CLUH: variants seen among roughly 807,000 people sequenced by gnomAD.
CLUH encodes the protein clustered mitochondria protein homolog.
Under a neutral mutation model 139.3 loss-of-function variants are expected in CLUH, and 77 were observed. The observed-to-expected ratio is 0.55, with a 90% confidence interval of 0.46 to 0.67. The LOEUF (loss-of-function observed/expected upper bound fraction) is 0.67, where lower values mean the gene tolerates loss of function less well. CLUH is among the 30% of genes least tolerant of loss of function. The pLI is 0.00. For synonymous variants in CLUH, 999 were observed against 801.6 expected, an observed-to-expected ratio of 1.25 and a Z score of -4.16; for missense variants, 1,876 against 1,875.8, an observed-to-expected ratio of 1.00 and a Z score of 0.00.
In CLUH at chr17:2,696,738, G is replaced by C; in HGVS notation, c.2166C>G (p.Ile722Met). 2 of 1,612,256 alleles carry C rather than the reference G, an allele frequency of 1.2e-6. No homozygotes were observed. Among genetic ancestry groups the C allele is most frequent in the African/African-American group, 2.7e-5 (2 of 75,036 alleles). The stretch of plus-strand genomic sequence containing the variant: ...CCCCACCTGTGCCGTCGTCTGCGGC[G>C]ATGGTCTCTGCCAGCTCCTTCACCT... ...LAKVKELAET[I>M]AADDGTADPR... The change falls in exon 11 of 26, where the codon ATC becomes ATG. Residue 722 changes from isoleucine (I) to methionine (M), a missense_variant. Around this residue, in one of 3 missense-constraint regions of CLUH, gnomAD observed 1,454 missense variants for 1,384.4 expected, o/e 1.05. Transcript: ENST00000651024.
In CLUH at chr17:2,704,714, C is replaced by T. The variant is rs914091887; in HGVS notation, c.101-150G>A. 1.4e-5 allele frequency: 10 copies of T among 727,822 alleles called. No homozygotes were observed. The African/African-American group carries it at 1.6e-4, about 12-fold the overall frequency. 45.1% of individuals were successfully genotyped at this position (727,822 alleles called of 1,614,324 possible). A position where few individuals can be genotyped will look rare whatever the true frequency, so the allele number is the denominator to read the frequency against. On this transcript the variant is annotated intron_variant, in intron 1 of 25. Transcript: ENST00000651024. This position sits in a 1 kb window ranked among gnomAD's most constrained non-coding sequence, Gnocchi z 5.7. ...TCACGGTCGCGCCTCGCCCTCCGTG[C>T]ACCTGCAGGCCACTTCCACACCCAG...
At chr17:2,691,955 C>T (rs1274367359) in intron 23 of CLUH, 49 bp downstream of exon 23, 2 of 445,452 alleles carry the variant, frequency 4.5e-6, no homozygotes, top group East Asian at 8.7e-5. Context: ...GCCCCCGCCC[C>T]GCCACGCCCC....
At position 2,691,951 on chromosome 17, in the gene CLUH, G is replaced by A. The variant is rs1236114924; in HGVS notation, c.3654+53C>T. 1.8e-5 allele frequency: 20 copies of A among 1,098,802 alleles called. 1 individual carries two copies. The highest frequency in any genetic ancestry group is 1.1e-4 in the Admixed American group (3 of 26,336). 68.1% of individuals were successfully genotyped at this position (1,098,802 alleles called of 1,614,324 possible). On this transcript the variant is annotated intron_variant, in intron 23 of 25. Coordinates refer to ENST00000651024, the MANE Select transcript of CLUH (RefSeq NM_001366661.1). ...CCCGTGCCCCCGCGGCCCCGCCCCC[G>A]CCCCGCCACGCCCCCGCCCCGCCCC...
chr17:2,695,284 G>C lies in CLUH; in HGVS notation c.2545-4C>G. 1 of 1,613,808 alleles carries C rather than the reference G, an allele frequency of 6.2e-7. No individual in the cohort carries two copies. Among genetic ancestry groups the C allele is most frequent in the Non-Finnish European group, 8.5e-7 (1 of 1,179,832 alleles). Reference sequence around the variant, plus strand: ...TGAGTTCTCCAATGCCGATTTTCTGGAAGGATTCAGAAGGGAGGTCTTGGT... The same window carrying C: ...TGAGTTCTCCAATGCCGATTTTCTGCAAGGATTCAGAAGGGAGGTCTTGGT... On this transcript the variant is annotated splice_polypyrimidine_tract_variant and splice_region_variant and intron_variant, in intron 14 of 25. Coordinates refer to ENST00000651024, the MANE Select transcript of CLUH (RefSeq NM_001366661.1).
At chr17:2,710,484 A>C (rs1258976330) in intron 1 of CLUH, among the ~76,000 whole-genome samples, 1 of 152,224 alleles carries the variant, frequency 6.6e-6, no homozygotes, top group African/African-American at 2.4e-5. Context: ...GGAGATGATG[A>C]GGCGTTAAGA....
chr17:2,701,385 G>A lies in CLUH; in HGVS notation c.880C>T (p.Arg294Trp). ...ACTCACTGATTCAGGTAAAAGCCCCGTGTGGACGCGGTGATGCTGACTTGC... is the reference window on the plus strand; with the variant it reads ...ACTCACTGATTCAGGTAAAAGCCCCATGTGGACGCGGTGATGCTGACTTGC... ...DRQVSITASTRGFYLNQSTAY... is the reference protein window; with the variant it reads ...DRQVSITASTWGFYLNQSTAY... The change falls in exon 6 of 26, where the codon CGG becomes TGG. Residue 294 changes from arginine to tryptophan, a missense_variant. Coordinates refer to ENST00000651024, the MANE Select transcript of CLUH (RefSeq NM_001366661.1). 3.7e-6 allele frequency: 6 copies of A among 1,608,634 alleles called. No homozygotes were observed. The highest frequency in any genetic ancestry group is 3.4e-6 in the Non-Finnish European group (4 of 1,177,788).
chr17:2,695,438 T>C lies in CLUH; in HGVS notation c.2480A>G (p.Tyr827Cys). Residue 827 changes from tyrosine (Y) to cysteine (C), a missense_variant, in exon 14 of 26, where the codon TAC becomes TGC. Tyr to Cys is a radical substitution (Grantham distance 194). Around this residue, in one of 3 missense-constraint regions of CLUH, gnomAD observed 1,454 missense variants for 1,384.4 expected, o/e 1.05. Coordinates refer to ENST00000651024, the MANE Select transcript of CLUH (RefSeq NM_001366661.1). The stretch of plus-strand genomic sequence containing the variant: ...CACCAGCTCCAGCACCTTGCCCAGG[T>C]AGCGCATGTTGATGCCCCGCTGGCG... Reference protein sequence around the residue: ...VMRQRGINMRYLGKVLELVLR... With the variant: ...VMRQRGINMRCLGKVLELVLR... 1 of 1,612,374 alleles carries C rather than the reference T, an allele frequency of 6.2e-7. No individual in the cohort carries two copies. The highest frequency in any genetic ancestry group is 8.5e-7 in the Non-Finnish European group (1 of 1,179,762).
Position 2,700,695 on chromosome 17 carries a change from C to G in CLUH, c.1156G>C (p.Glu386Gln). The change falls in exon 8 of 26, where the codon GAG becomes CAG. Residue 386 changes from glutamate (E) to glutamine (Q), a missense_variant. Transcript: ENST00000651024. ...DAYTSRLGYE[E>Q]HIPGQTRDWN... The stretch of plus-strand genomic sequence containing the variant: ...GCAGGCACCTGTCCAGGAATGTGCT[C>G]CTCATAGCCCAGCCTCGAGGTGTAG... 5 of 1,528,450 alleles carry G rather than the reference C, an allele frequency of 3.3e-6. No homozygotes were observed. The highest frequency in any genetic ancestry group is 4.4e-6 in the Non-Finnish European group (5 of 1,142,472). 94.7% of individuals were successfully genotyped at this position (1,528,450 alleles called of 1,614,324 possible).
At position 2,704,093 on chromosome 17, in the gene CLUH, C is replaced by T. The variant is rs756200080; in HGVS notation, c.303+269G>A. The stretch of plus-strand genomic sequence containing the variant: ...CAAGAGGCTGGGGAGTCCTGGGATG[C>T]CAACACTTCCCAGCCACTATCACTC... On this transcript the variant is annotated intron_variant, in intron 2 of 25. Transcript: ENST00000651024. This position sits in a 1 kb window ranked among gnomAD's most constrained non-coding sequence, Gnocchi z 5.7. Among the ~76,000 whole-genome samples, 1 of 152,120 alleles carries T rather than the reference C, an allele frequency of 6.6e-6. No homozygotes were observed. The highest frequency in any genetic ancestry group is 1.5e-5 in the Non-Finnish European group (1 of 67,990).
At position 2,701,930 on chromosome 17, in the gene CLUH, G is replaced by A. The variant is rs144707484; in HGVS notation, c.603C>T (p.Thr201=). ...CTCCCGCACCTCCCAGGTCGCCGTC[G>A]GTGAAGACACTCAGGAAGGACAAGG... is the stretch of plus-strand genomic sequence containing the variant. The part of the protein sequence containing the change: ...CNSLSFLSVF[T]DGDLGDSGKR... Residue 201 remains threonine (T), a synonymous_variant, in exon 4 of 26, where the codon ACC becomes ACT. Coordinates refer to ENST00000651024, the MANE Select transcript of CLUH (RefSeq NM_001366661.1). 781 of 1,613,858 alleles carry A rather than the reference G, an allele frequency of 4.8e-4. 3 individuals carry two copies. In the African/African-American group the frequency reaches 8.7e-3, roughly 18 times the overall value.
chr17:2,695,856 T>C (rs1410106602), intron 13 of CLUH: 3 of 576,706 alleles, frequency 5.2e-6, no homozygotes, highest in Non-Finnish European at 9.2e-6. Context: ...ACACAGAGCC[T>C]GCGGGAGGAG....
At chr17:2,696,071 C>T (rs1366682455) in intron 13 of CLUH, 88 bp downstream of exon 13, 17 of 1,082,956 alleles carry the variant, frequency 1.6e-5, no homozygotes, top group Non-Finnish European at 2.3e-5. Flanking sequence ...TCCTGCGAGC[C>T]TGTGTTCATG....
chr17:2,694,980 T>C lies in CLUH; in HGVS notation c.2729A>G (p.Lys910Arg), dbSNP rs777376163. 4 of 1,613,500 alleles carry C rather than the reference T, an allele frequency of 2.5e-6. No individual in the cohort carries two copies. Among genetic ancestry groups the C allele is most frequent in the Admixed American group, 1.7e-5 (1 of 59,954 alleles). Reference protein sequence around the residue: ...ADELVSKKRNKRRKNRPPGAA... With the variant: ...ADELVSKKRNRRRKNRPPGAA... The stretch of plus-strand genomic sequence containing the variant: ...CCCCGGGGGCCGGTTTTTCCTCCTC[T>C]TATTCCGCTTCTTGGAGACCAGCTC... The change falls in exon 16 of 26, where the codon AAG (lysine) becomes AGG (arginine). Residue 910 changes from lysine (K) to arginine (R), a missense_variant. Lys to Arg is a conservative substitution (Grantham distance 26, BLOSUM62 2). Around this residue, in one of 3 missense-constraint regions of CLUH, gnomAD observed 1,454 missense variants for 1,384.4 expected, o/e 1.05. Coordinates refer to ENST00000651024, the MANE Select transcript of CLUH (RefSeq NM_001366661.1).
At chr17:2,692,991 T>C in intron 19 of CLUH, 131 bp from the exon 20 acceptor site, 1 of 805,812 alleles carries the variant, frequency 1.2e-6, no homozygotes, top group Non-Finnish European at 1.8e-6. Context: ...CCCAGCACAG[T>C]GCAGCAGGGG....
rs750576929 is a variant in CLUH, at chr17:2,690,635, G to C, written c.4006C>G (p.Pro1336Ala). Residue 1336 changes from proline (P) to alanine (A), a missense_variant, in exon 26 of 26, where the codon CCC becomes GCC. By Grantham distance (27) the Pro-to-Ala change is conservative (BLOSUM62 -1). Transcript: ENST00000651024. ...GGAGAAGGGTCCTTGGCAGCCGGGG[G>C]CTGGGAGCCCAGGTCTCCTGGGGCC... Reference protein sequence around the residue: ...AGAPGDLGSQPPAAKDPSPSV... With the variant: ...AGAPGDLGSQAPAAKDPSPSV... 5 of 1,509,568 alleles carry C rather than the reference G, an allele frequency of 3.3e-6. No individual in the cohort carries two copies. In the South Asian group the frequency reaches 6.5e-5, roughly 20 times the overall value. The allele number at this position is 1,509,568 out of a possible 1,614,324, so 93.5% of individuals were successfully genotyped here.
chr17:2,694,097 C>T, intron 18 of CLUH, 26 bp downstream of exon 18: 1 of 1,613,898 alleles, frequency 6.2e-7, no homozygotes. Context: ...ACCCCCACCT[C>T]CACCCAGCCC....
intron 17 of CLUH, 37 bp from the exon 18 acceptor site, chr17:2,694,313 C>T (rs1382839457): frequency 1.3e-5 from 21 of 1,559,080 alleles, no homozygotes; most frequent in Non-Finnish European, 1.8e-5. Context: ...AAGCCTCAGG[C>T]CCAGGTTCAG....
rs201342177 is a variant in CLUH at position 2,703,516 on chromosome 17, C to T, written c.304-27G>A. 3.9e-5 allele frequency: 62 copies of T among 1,605,944 alleles called. 1 individual carries two copies. The highest frequency in any genetic ancestry group is 2.8e-4 in the Admixed American group (17 of 59,844). On this transcript the variant is annotated intron_variant, in intron 2 of 25. Transcript: ENST00000651024. The surrounding 1 kb of genome is among the most constrained non-coding windows in gnomAD (Gnocchi z 4.2). Reference sequence around the variant, plus strand: ...TGCAGGGAGAAGGCCCCGCCCACCCCGGTGAGAGAGCACGTAGCGGGGAGA... The same window carrying T: ...TGCAGGGAGAAGGCCCCGCCCACCCTGGTGAGAGAGCACGTAGCGGGGAGA...
At chr17:2,698,619 G>A (rs2070062748) in intron 9 of CLUH, 29 bp from the exon 10 acceptor site, 1 of 1,535,394 alleles carries the variant, frequency 6.5e-7, no homozygotes, top group African/African-American at 1.4e-5. Flanking sequence ...GGCAGGGTTA[G>A]AGGCCGCGCC....
Sources: allele counts gnomAD v4.1 joint callset (sites outside exome capture counted in the v4.1 genomes callset), GRCh38; gene constraint gnomAD v4.1.1; regional missense constraint gnomAD v4.1.1; non-coding constraint Gnocchi (gnomAD v3.1); transcripts MANE v1.5; gene names NCBI Gene and HGNC (gene_info 2026-07-23, HGNC 2026-07-21).